The following TRABD variants were observed in gnomAD, a reference collection of about 807,000 sequenced individuals.
TRABD encodes TraB domain containing.
In TRABD, 23 loss-of-function variants were observed where a neutral mutation model predicts 39.6. That is an observed-to-expected ratio of 0.58 (90% confidence interval 0.42 to 0.82). The LOEUF (loss-of-function observed/expected upper bound fraction) is 0.82, where lower values mean the gene tolerates loss of function less well. Among genes scored for constraint, TRABD ranks in the 40% least tolerant of loss-of-function variants. The pLI, the probability that TRABD is intolerant of heterozygous loss-of-function variation, is 0.00. For missense variants in TRABD, 487 were observed against 544.9 expected (o/e 0.89, Z 1.06); for synonymous variants, 243 against 232.1 (o/e 1.05, Z -0.43).
chr22:50,197,654 G>A (rs2064164799), intron 7 of TRABD, 66 bp downstream of exon 7: 1 of 1,595,740 alleles, frequency 6.3e-7, no homozygotes, highest in South Asian at 1.1e-5. Context: ...AGGCCCTCCT[G>A]TGCAGGTCCA....
chr22:50,189,641 C>T (rs1222260370), intron 1 of TRABD, among the ~76,000 whole-genome samples: 1 of 152,246 alleles, frequency 6.6e-6, no homozygotes, highest in Non-Finnish European at 1.5e-5. Flanking sequence ...TGCTGATGGG[C>T]CTGAGCGTAT....
At position 50,197,323 on chromosome 22, in the gene TRABD, G is replaced by T. The variant is rs1230792769; in HGVS notation, c.503G>T (p.Gly168Val). The change falls in exon 6 of 10, where the codon GGT becomes GTT. Residue 168 changes from glycine (G) to valine (V), a missense_variant. Gly to Val is a moderately radical substitution (Grantham distance 109). Around this residue, in one of 3 missense-constraint regions of TRABD, gnomAD observed 358 missense variants for 414.7 expected, o/e 0.86. Transcript: ENST00000380909. Reference sequence around the variant, plus strand: ...ACCGAGCAGCTGGGCATGGCCCCAGGTGGCGAGTTCAGGGAGGCCTTCAAG... The same window carrying T: ...ACCGAGCAGCTGGGCATGGCCCCAGTTGGCGAGTTCAGGGAGGCCTTCAAG... ...HITEQLGMAP[G>V]GEFREAFKEA... 1 of 1,613,814 alleles carries T rather than the reference G, an allele frequency of 6.2e-7. No homozygotes were observed. Among genetic ancestry groups the T allele is most frequent in the Non-Finnish European group, 8.5e-7 (1 of 1,180,030 alleles).
At chr22:50,187,966 T>C (rs946072434) in intron 1 of TRABD, among the ~76,000 whole-genome samples, 33 of 145,268 alleles carry the variant, frequency 2.3e-4, no homozygotes, top group African/African-American at 8.3e-4. Flanking sequence ...GGCAACAGAG[T>C]GTGACTCTGT....
chr22:50,186,438 C>CGATGCCGAGGAGCGGA, intron 1 of TRABD, among the ~76,000 whole-genome samples: 1 of 152,170 alleles, frequency 6.6e-6, no homozygotes, highest in East Asian at 1.9e-4. Flanking sequence ...CCGGGAGCGG[C>CGATGCCGAGGAGCGGA]GCTGCCGAGG....
At chr22:50,193,131 G>C in intron 2 of TRABD, 38 bp downstream of exon 2, 1 of 1,522,154 alleles carries the variant, frequency 6.6e-7, no homozygotes, top group Non-Finnish European at 8.8e-7. Flanking sequence ...AGAGACAGGG[G>C]CGGGGGGCTT....
chr22:50,197,071 C>T, intron 5 of TRABD, 170 bp from the exon 6 acceptor site: 2 of 631,128 alleles, frequency 3.2e-6, no homozygotes, highest in Non-Finnish European at 2.8e-6. Context: ...TCTGGTCTGA[C>T]CCTCTGCACG....
intron 5 of TRABD, among the ~76,000 whole-genome samples, chr22:50,195,297 G>A (rs901453518): frequency 7.2e-5 from 11 of 152,018 alleles, no homozygotes; most frequent in African/African-American, 2.7e-4. Context: ...GGACTGGGTT[G>A]CTGAGCAGTT....
rs555925908 is a variant in TRABD at position 50,194,280 on chromosome 22, G to C, written c.113-60G>C. 335 of 1,573,718 alleles carry C rather than the reference G, an allele frequency of 2.1e-4. 2 individuals carry two copies. In the African/African-American group the frequency reaches 3.9e-3, roughly 18 times the overall value. On this transcript the variant is annotated intron_variant, in intron 3 of 9. Transcript: ENST00000380909. ...GGGTTCTAGAGCCCAGGCTGCCAGC[G>C]GGCCCGGCGGCGTCCTTGGGGTGGG... is the stretch of plus-strand genomic sequence containing the variant.
intron 5 of TRABD, 51 bp from the exon 6 acceptor site, chr22:50,197,190 C>T (rs750814092): frequency 5.8e-6 from 9 of 1,549,196 alleles, no homozygotes; most frequent in Middle Eastern, 1.9e-4. Context: ...ATTCCCCCAG[C>T]GCACCCCCGC....
chr22:50,196,662 G>A (rs889055145), intron 5 of TRABD, among the ~76,000 whole-genome samples: 4 of 152,110 alleles, frequency 2.6e-5, no homozygotes, highest in African/African-American at 7.2e-5. Flanking sequence ...AGCTCAAGGC[G>A]GCCCCTTCGC....
In TRABD at chr22:50,196,997, C is replaced by T. The variant is rs1030485848; in HGVS notation, c.421-244C>T. ...ACAGGCGTGCGCCACTGCACCCGGC[C>T]CGTGAAGGTCTTTTCTGAAGGGAGC... is the stretch of plus-strand genomic sequence containing the variant. On this transcript the variant is annotated intron_variant, in intron 5 of 9. Transcript: ENST00000380909. 5.7e-6 allele frequency: 3 copies of T among 522,594 alleles called. No homozygotes were observed. The East Asian group carries it at 9.7e-5, about 17-fold the overall frequency. The allele number at this position is 522,594 out of a possible 1,614,324, so 32.4% of individuals were successfully genotyped here.
At chr22:50,192,267 C>T (rs910342026) in intron 1 of TRABD, 7 of 152,378 alleles carry the variant, frequency 4.6e-5, no homozygotes, top group African/African-American at 1.4e-4. Context: ...GCGCAGGTCT[C>T]GCCGATGCTC....
rs558668147 is a variant in TRABD, at chr22:50,195,172, G to A, written c.420+132G>A. ...TGCCTGGCCTGCCCTGGGGATTGCC[G>A]GGTTAGGGACCTCCCCTGGGCCAGG... On this transcript the variant is annotated intron_variant, in intron 5 of 9. Coordinates refer to ENST00000380909, the MANE Select transcript of TRABD (RefSeq NM_001320485.2). 213 of 1,223,588 alleles carry A rather than the reference G, an allele frequency of 1.7e-4. 1 individual carries two copies. Among genetic ancestry groups the A allele is most frequent in the Non-Finnish European group, 2.0e-4 (185 of 907,992 alleles). The allele number at this position is 1,223,588 out of a possible 1,614,324, so 75.8% of individuals were successfully genotyped here.
In TRABD at chr22:50,199,379, G is replaced by C; in HGVS notation, c.*860G>C. The C allele has an allele frequency of 2.5e-6, 1 of 397,616 alleles. No individual in the cohort carries two copies. The highest frequency in any genetic ancestry group is 4.6e-6 in the Non-Finnish European group (1 of 219,392). 24.6% of individuals were successfully genotyped at this position (397,616 alleles called of 1,614,324 possible). On this transcript the variant is annotated 3_prime_UTR_variant, in exon 10 of 10. Coordinates refer to ENST00000380909, the MANE Select transcript of TRABD (RefSeq NM_001320485.2). ...CTGTGGCCAGGCCTGTCCCGCTCAG[G>C]CCCCCTGCCCGGCGGCCGTCTGTGT...
chr22:50,188,026 A>G (rs891208490), intron 1 of TRABD, among the ~76,000 whole-genome samples: 1 of 151,888 alleles, frequency 6.6e-6, no homozygotes, highest in Non-Finnish European at 1.5e-5. Flanking sequence ...TCACACCTGT[A>G]ACCCCAGCAC....
At chr22:50,193,450 C>A in intron 2 of TRABD, 126 bp from the exon 3 acceptor site, 1 of 916,616 alleles carries the variant, frequency 1.1e-6, no homozygotes, top group Non-Finnish European at 1.7e-6. Flanking sequence ...CCTCGTTTTT[C>A]AGGGTGTGTG....
At chr22:50,194,012 G>C (rs1401415102) in intron 3 of TRABD, among the ~76,000 whole-genome samples, 1 of 10,360 alleles carries the variant, frequency 9.7e-5, no homozygotes, top group East Asian at 2.3e-3. Context: ...CCCTCCCCTA[G>C]CTGAGCCCCC....
chr22:50,194,202 A>C, intron 3 of TRABD, 138 bp from the exon 4 acceptor site: 1 of 1,093,478 alleles, frequency 9.1e-7, no homozygotes, highest in Non-Finnish European at 1.3e-6. Context: ...GTGGAGTGTG[A>C]CGCTCGTCAG....
At chr22:50,187,707 T>C (rs2063796304) in intron 1 of TRABD, among the ~76,000 whole-genome samples, 1 of 152,162 alleles carries the variant, frequency 6.6e-6, no homozygotes. Flanking sequence ...GGGCTGGGTG[T>C]GGTGGTTCAC....
Sources: gnomAD v4.1 joint callset for allele counts (sites outside exome capture counted in the v4.1 genomes callset) on GRCh38, gnomAD v4.1.1 for gene constraint, gnomAD v4.1.1 regional missense constraint, MANE v1.5 for transcripts, NCBI Gene and HGNC (gene_info 2026-07-23, HGNC 2026-07-21) for gene names.